Variants in SGK3 observed in about 807,000 individuals in gnomAD.
SGK3 encodes serine/threonine-protein kinase Sgk3.
SGK3 carries 47 observed loss-of-function variants against 68.5 expected under a neutral mutation model. That is an observed-to-expected ratio of 0.69 (90% CI 0.54 to 0.87). The LOEUF is 0.87. Among genes scored for constraint, SGK3 ranks in the 40% least tolerant of loss-of-function variants. The pLI, the probability that SGK3 is intolerant of heterozygous loss-of-function variation, is 0.00. For synonymous variants in SGK3, 181 were observed against 189.1 expected, an observed-to-expected ratio of 0.96 and a Z score of 0.35; for missense variants, 479 against 575.5, an observed-to-expected ratio of 0.83 and a Z score of 1.72.
intron 1 of SGK3, among the ~76,000 whole-genome samples, chr8:66,735,838 G>A (rs1315637619): frequency 6.6e-6 from 1 of 151,988 alleles, no homozygotes; most frequent in Non-Finnish European, 1.5e-5. Context: ...CAATTTAGAT[G>A]TTTCTTTCTG....
At chr8:66,775,836 G>T (rs775214591) in intron 1 of SGK3, among the ~76,000 whole-genome samples, 1 of 152,140 alleles carries the variant, frequency 6.6e-6, no homozygotes, top group African/African-American at 2.4e-5. Flanking sequence ...GATGAAGCAC[G>T]CAGACTTCGG....
chr8:66,794,287 C>T (rs1585725509), intron 2 of SGK3, among the ~76,000 whole-genome samples: 2 of 152,100 alleles, frequency 1.3e-5, no homozygotes. Context: ...CTAATTTTAT[C>T]GTTTATCACT....
intron 1 of SGK3, chr8:66,767,641 G>A (rs771338489): frequency 7.3e-7 from 1 of 1,376,104 alleles, no homozygotes; most frequent in East Asian, 2.3e-5. Flanking sequence ...GAAGCCTAGA[G>A]GATTGAAGGG....
chr8:66,830,494 C>T (rs1809259694), intron 7 of SGK3, among the ~76,000 whole-genome samples: 1 of 152,078 alleles, frequency 6.6e-6, no homozygotes, highest in South Asian at 2.1e-4. Flanking sequence ...GATTTATTCC[C>T]CTCTTCCCAT....
intron 15 of SGK3, among the ~76,000 whole-genome samples, chr8:66,847,718 A>G (rs994591892): frequency 1.3e-5 from 2 of 152,164 alleles, no homozygotes; most frequent in African/African-American, 4.8e-5. Flanking sequence ...ATTTTCATGA[A>G]CTAATAACAC....
chr8:66,853,305 C>T (rs899240362), intron 16 of SGK3, among the ~76,000 whole-genome samples: 13 of 152,056 alleles, frequency 8.5e-5, no homozygotes, highest in African/African-American at 3.1e-4. Flanking sequence ...GCATATTAGG[C>T]ATTCAGTGTT....
At chr8:66,744,509 A>AT (rs1805577981) in intron 1 of SGK3, among the ~76,000 whole-genome samples, 1 of 25,084 alleles carries the variant, frequency 4.0e-5, no homozygotes, top group African/African-American at 2.4e-4. Flanking sequence ...ATATATATAT[A>AT]TATATATATA....
chr8:66,727,500 G>A (rs1805019085), intron 1 of SGK3, among the ~76,000 whole-genome samples: 1 of 152,196 alleles, frequency 6.6e-6, no homozygotes, highest in Non-Finnish European at 1.5e-5. Flanking sequence ...GTCTCCCACA[G>A]TGCATGTGTT....
intron 10 of SGK3, among the ~76,000 whole-genome samples, chr8:66,837,411 T>C (rs1439508885): frequency 6.6e-6 from 1 of 152,184 alleles, no homozygotes; most frequent in Non-Finnish European, 1.5e-5. Flanking sequence ...AACCGAAAGA[T>C]GGTCAGACAC....
At chr8:66,847,374 G>T in intron 15 of SGK3, 26 bp downstream of exon 15, 1 of 1,606,528 alleles carries the variant, frequency 6.2e-7, no homozygotes, top group Non-Finnish European at 8.5e-7. Flanking sequence ...TCTAGCTCCA[G>T]CTTTATTTAA....
At chr8:66,742,257 T>G (rs371629854) in intron 1 of SGK3, among the ~76,000 whole-genome samples, 56 of 152,358 alleles carry the variant, frequency 3.7e-4, no homozygotes, top group African/African-American at 1.3e-3. Flanking sequence ...TCATTTTTTT[T>G]ATGAAGGTTT....
At chr8:66,780,583 G>A (rs1296713007) in intron 1 of SGK3, among the ~76,000 whole-genome samples, 2 of 152,180 alleles carry the variant, frequency 1.3e-5, no homozygotes, top group African/African-American at 2.4e-5. Flanking sequence ...AGGGGCCACT[G>A]GTACAATAGA....
intron 1 of SGK3, among the ~76,000 whole-genome samples, chr8:66,727,625 G>A (rs1585636314): frequency 6.6e-6 from 1 of 152,272 alleles, no homozygotes; most frequent in East Asian, 1.9e-4. Flanking sequence ...AGTGGGAGTG[G>A]TTTTGTCCTC....
chr8:66,785,937 C>T (rs1359351696), intron 1 of SGK3, among the ~76,000 whole-genome samples: 1 of 152,232 alleles, frequency 6.6e-6, no homozygotes, highest in Non-Finnish European at 1.5e-5. Flanking sequence ...AGATCCTTTT[C>T]CTGTTCCTCT....
At chr8:66,774,362 T>C (rs1180630446) in intron 1 of SGK3, among the ~76,000 whole-genome samples, 1 of 152,078 alleles carries the variant, frequency 6.6e-6, no homozygotes, top group Non-Finnish European at 1.5e-5. Flanking sequence ...AGGGTCTTGC[T>C]ATGAGGTCCA....
intron 1 of SGK3, among the ~76,000 whole-genome samples, chr8:66,716,377 T>A (rs1254086918): frequency 6.6e-6 from 1 of 152,162 alleles, no homozygotes; most frequent in African/African-American, 2.4e-5. Flanking sequence ...TAAAATTGTA[T>A]TGGCTGTCTG....
intron 1 of SGK3, among the ~76,000 whole-genome samples, chr8:66,762,559 A>T (rs565468391): frequency 6.6e-6 from 1 of 152,160 alleles, no homozygotes; most frequent in African/African-American, 2.4e-5. Context: ...ATCACACTTA[A>T]AAAAAACCCA....
chr8:66,822,515 TAGTGG>T, intron 6 of SGK3, 56 bp downstream of exon 6: 1 of 1,547,484 alleles, frequency 6.5e-7, no homozygotes, highest in Non-Finnish European at 8.8e-7. Context: ...AAGGTGAAAT[TAGTGG>T]CTTTAGGACA....
chr8:66,845,696 A>G (rs1056321372), intron 14 of SGK3, among the ~76,000 whole-genome samples: 3 of 119,500 alleles, frequency 2.5e-5, no homozygotes, highest in South Asian at 2.7e-4. Flanking sequence ...TAGCTTGCTT[A>G]TTTATTTATT....
Sources: gnomAD v4.1 joint callset for allele counts (sites outside exome capture counted in the v4.1 genomes callset) on GRCh38, gnomAD v4.1.1 for gene constraint, MANE v1.5 for transcripts, NCBI Gene and HGNC (gene_info 2026-07-23, HGNC 2026-07-21) for gene names.